GPC6: variants seen among roughly 807,000 people sequenced by gnomAD.
GPC6 encodes glypican-6.
Under a neutral mutation model 55.2 loss-of-function variants are expected in GPC6, and 14 were observed. The observed-to-expected ratio is 0.25, with a 90% CI of 0.17 to 0.40. The LOEUF is 0.40. Among genes scored for constraint, GPC6 ranks in the 10% least tolerant of loss-of-function variants. The pLI, the probability that GPC6 is intolerant of heterozygous loss-of-function variation, is 1.00. For missense variants in GPC6, 641 were observed against 708.5 expected (o/e 0.90, Z 1.08); for synonymous variants, 278 against 259.6 (o/e 1.07, Z -0.68).
chr13:94,392,080 G>A (rs1880670669), intron 7 of GPC6, among the ~76,000 whole-genome samples: 1 of 152,040 alleles, frequency 6.6e-6, no homozygotes, highest in South Asian at 2.1e-4. Flanking sequence ...TATTATGAAT[G>A]GTACTGTGAG....
intron 4 of GPC6, among the ~76,000 whole-genome samples, chr13:94,182,621 G>C (rs921506908): frequency 6.6e-6 from 1 of 152,134 alleles, no homozygotes; most frequent in Non-Finnish European, 1.5e-5. Flanking sequence ...TTGAAGAAAA[G>C]TGGAAGTAAA....
At chr13:94,103,551 G>T (rs1051519917) in intron 4 of GPC6, among the ~76,000 whole-genome samples, 1 of 152,134 alleles carries the variant, frequency 6.6e-6, no homozygotes, top group Non-Finnish European at 1.5e-5. Flanking sequence ...AGCACCTGTT[G>T]TTTCCTGACT....
At chr13:93,556,985 A>G (rs147189695) in intron 2 of GPC6, among the ~76,000 whole-genome samples, 3 of 152,322 alleles carry the variant, frequency 2.0e-5, no homozygotes, top group Admixed American at 2.0e-4. Flanking sequence ...GAAAACTTGT[A>G]TAATTTAACT....
chr13:94,133,075 T>C (rs1887056295), intron 4 of GPC6, among the ~76,000 whole-genome samples: 1 of 152,106 alleles, frequency 6.6e-6, no homozygotes, highest in Admixed American at 6.6e-5. Context: ...ATGTTGATTC[T>C]CATTCTGGGA....
In GPC6 at chr13:93,350,487, T is replaced by C. The variant is rs190059062; in HGVS notation, c.160+122871T>C. 3.3e-5 allele frequency among the ~76,000 whole-genome samples: 5 copies of C among 152,288 alleles called. No individual in the cohort carries two copies. In the East Asian group the frequency reaches 9.6e-4, roughly 29 times the overall value. On this transcript the variant is annotated intron_variant, in intron 1 of 8. Transcript: ENST00000377047. ...TGTCTTAGTAGCTATGACAATTAAA[T>C]ATTTTGGTTACAGAGTCTGAAATAC...
chr13:94,343,700 A>G (rs1456039528), intron 6 of GPC6, among the ~76,000 whole-genome samples: 1 of 152,204 alleles, frequency 6.6e-6, no homozygotes, highest in Non-Finnish European at 1.5e-5. Context: ...GAATGAATCA[A>G]CTTTGAGAGC....
chr13:94,386,359 C>CAA (rs35238644), intron 7 of GPC6, among the ~76,000 whole-genome samples: 14 of 118,484 alleles, frequency 1.2e-4, no homozygotes, highest in South Asian at 2.8e-4. Context: ...GACTCTGTCT[C>CAA]AAAAAAAAAA....
intron 4 of GPC6, among the ~76,000 whole-genome samples, chr13:94,229,126 T>C (rs1890643832): frequency 6.6e-6 from 1 of 152,194 alleles, no homozygotes; most frequent in African/African-American, 2.4e-5. Context: ...CAGTCCGAAT[T>C]ATGCTCATGA....
intron 4 of GPC6, among the ~76,000 whole-genome samples, chr13:94,260,779 T>A (rs939354348): frequency 6.6e-6 from 1 of 152,004 alleles, no homozygotes; most frequent in Admixed American, 6.6e-5. Flanking sequence ...AGGGGTCAGA[T>A]CAGATCTGAG....
intron 1 of GPC6, among the ~76,000 whole-genome samples, chr13:93,240,804 C>T (rs1311166469): frequency 6.6e-6 from 1 of 151,892 alleles, no homozygotes; most frequent in African/African-American, 2.4e-5. Flanking sequence ...GTTTAGAATT[C>T]CTTTGAGCAT....
intron 2 of GPC6, among the ~76,000 whole-genome samples, chr13:93,720,408 A>C (rs939538551): frequency 6.6e-6 from 1 of 151,724 alleles, no homozygotes; most frequent in Non-Finnish European, 1.5e-5. Flanking sequence ...GGGATCAGTG[A>C]TGATATCCCC....
chr13:93,649,989 G>T (rs1880337452), intron 2 of GPC6, among the ~76,000 whole-genome samples: 1 of 152,098 alleles, frequency 6.6e-6, no homozygotes, highest in South Asian at 2.1e-4. Context: ...AAGTCTTCAG[G>T]AGTAGATTTG....
intron 2 of GPC6, among the ~76,000 whole-genome samples, chr13:93,796,100 G>A (rs1160021301): frequency 6.6e-6 from 1 of 151,878 alleles, no homozygotes; most frequent in African/African-American, 2.4e-5. Context: ...GGAGGCTGAG[G>A]TGGGAGGATC....
intron 1 of GPC6, among the ~76,000 whole-genome samples, chr13:93,318,608 A>G (rs1033072183): frequency 6.6e-6 from 1 of 152,130 alleles, no homozygotes; most frequent in African/African-American, 2.4e-5. Context: ...TAGAAATACT[A>G]TGAATTTATG....
chr13:94,393,218 A>G (rs143704974), intron 7 of GPC6, among the ~76,000 whole-genome samples: 13 of 152,286 alleles, frequency 8.5e-5, no homozygotes, highest in African/African-American at 3.1e-4. Context: ...ACCACAGTGA[A>G]TATGCTATAT....
intron 6 of GPC6, among the ~76,000 whole-genome samples, chr13:94,312,910 A>G (rs998900788): frequency 2.6e-5 from 4 of 152,232 alleles, no homozygotes. Context: ...CATTCACCCC[A>G]GCAAACAAAT....
At chr13:93,352,644 G>A (rs542664451) in intron 1 of GPC6, among the ~76,000 whole-genome samples, 2 of 152,252 alleles carry the variant, frequency 1.3e-5, no homozygotes, top group South Asian at 4.1e-4. Context: ...ATTTGGTTGG[G>A]TTGGAGGGAG....
chr13:93,980,508 G>A (rs1384223973), intron 3 of GPC6, among the ~76,000 whole-genome samples: 2 of 152,126 alleles, frequency 1.3e-5, no homozygotes, highest in African/African-American at 4.8e-5. Flanking sequence ...GCAGGGCTTA[G>A]TATTGAATGT....
At chr13:94,305,084 A>G (rs146534619) in intron 5 of GPC6, among the ~76,000 whole-genome samples, 1 of 152,358 alleles carries the variant, frequency 6.6e-6, no homozygotes, top group East Asian at 1.9e-4. Flanking sequence ...GTGAGATACA[A>G]TTCATTTAAT....
Sources: gnomAD v4.1 joint callset for allele counts (sites outside exome capture counted in the v4.1 genomes callset) on GRCh38, gnomAD v4.1.1 for gene constraint, MANE v1.5 for transcripts, NCBI Gene and HGNC (gene_info 2026-07-23, HGNC 2026-07-21) for gene names.